SOX5: variants seen among roughly 807,000 people sequenced by gnomAD.
SOX5 encodes the protein transcription factor SOX-5.
A neutral mutation model predicts 92.0 loss-of-function variants in SOX5; 9 were observed. The observed-to-expected ratio is 0.10, with a 90% CI of 0.06 to 0.17. The LOEUF (loss-of-function observed/expected upper bound fraction) is 0.17. Ranked by LOEUF, SOX5 falls within the 10% of genes least tolerant of loss-of-function variation. SOX5 has a pLI of 1.00. For synonymous variants in SOX5, 344 were observed against 336.3 expected (o/e 1.02, Z -0.25); for missense variants, 642 against 944.5 (o/e 0.68, Z 4.20).
intron 4 of SOX5, among the ~76,000 whole-genome samples, chr12:24,145,239 TA>T (rs1258027334): frequency 1.3e-5 from 2 of 152,052 alleles, no homozygotes; most frequent in African/African-American, 4.8e-5. Flanking sequence ...AATGTAATTA[TA>T]AAAAAATTAA....
chr12:23,587,128 A>C (rs1227797212), intron 9 of SOX5, among the ~76,000 whole-genome samples: 1 of 152,006 alleles, frequency 6.6e-6, no homozygotes, highest in African/African-American at 2.4e-5. Flanking sequence ...AGTGGGTTTC[A>C]TAACCTAAAA....
chr12:23,640,779 C>T (rs1012293719), intron 8 of SOX5, 33 bp downstream of exon 8: 1 of 1,508,012 alleles, frequency 6.6e-7, no homozygotes, highest in Admixed American at 1.7e-5. Flanking sequence ...ATTTACTTAA[C>T]CTTTGTCTCC....
chr12:24,506,805 T>TTTTTTTTTTTTTTTTA, intron 1 of SOX5, among the ~76,000 whole-genome samples: 1 of 136,598 alleles, frequency 7.3e-6, no homozygotes, highest in Non-Finnish European at 1.6e-5. Flanking sequence ...TTTTTTTTTT[T>TTTTTTTTTTTTTTTTA]TGGAGACGGG....
At chr12:24,174,154 T>C (rs1414294424) in intron 4 of SOX5, among the ~76,000 whole-genome samples, 1 of 152,024 alleles carries the variant, frequency 6.6e-6, no homozygotes, top group African/African-American at 2.4e-5. Context: ...TGCCCCACCA[T>C]ACCTGGTTAA....
intron 6 of SOX5, among the ~76,000 whole-genome samples, chr12:23,704,017 C>T (rs10842215): frequency 0.24 from 36,448 of 151,732 alleles, 5,282 homozygotes; most frequent in African/African-American, 0.42. Context: ...TAATATAATA[C>T]GATTTCTAAA....
At chr12:23,688,900 C>T (rs2088175890) in intron 6 of SOX5, among the ~76,000 whole-genome samples, 1 of 152,040 alleles carries the variant, frequency 6.6e-6, no homozygotes, top group Non-Finnish European at 1.5e-5. Flanking sequence ...GAATGAACAA[C>T]CAAATAGATG....
chr12:24,037,543 T>C (rs1317297666), intron 4 of SOX5, among the ~76,000 whole-genome samples: 3 of 152,180 alleles, frequency 2.0e-5, no homozygotes, highest in African/African-American at 7.2e-5. Flanking sequence ...ATCATGGTTG[T>C]ACTAGTTGGA....
intron 6 of SOX5, among the ~76,000 whole-genome samples, chr12:23,701,435 C>A (rs979503712): frequency 1.3e-5 from 2 of 151,932 alleles, no homozygotes; most frequent in Non-Finnish European, 2.9e-5. Flanking sequence ...TCCCTCTCTG[C>A]AAAATCCTTT....
At chr12:23,757,809 T>C (rs1004476927) in intron 3 of SOX5, among the ~76,000 whole-genome samples, 6 of 151,850 alleles carry the variant, frequency 4.0e-5, no homozygotes, top group Admixed American at 3.9e-4. Context: ...GCTTTTCCCC[T>C]GCAGCTAGAC....
At chr12:24,025,191 T>C (rs1357692133) in intron 4 of SOX5, among the ~76,000 whole-genome samples, 2 of 151,468 alleles carry the variant, frequency 1.3e-5, no homozygotes, top group Non-Finnish European at 3.0e-5. Context: ...GAGAGCAAAG[T>C]TGAGGAGGAT....
chr12:23,821,628 A>G (rs958254282), intron 3 of SOX5, among the ~76,000 whole-genome samples: 7 of 152,122 alleles, frequency 4.6e-5, no homozygotes, highest in Admixed American at 3.3e-4. Context: ...TGAGATAATC[A>G]TATGGTTTTT....
intron 3 of SOX5, among the ~76,000 whole-genome samples, chr12:23,782,920 T>TCTC (rs1204501054): frequency 6.6e-6 from 1 of 152,072 alleles, no homozygotes; most frequent in Non-Finnish European, 1.5e-5. Context: ...GGTTATAAGC[T>TCTC]CTCTGATCAT....
intron 3 of SOX5, among the ~76,000 whole-genome samples, chr12:23,836,142 A>G (rs911140459): frequency 1.3e-5 from 2 of 151,894 alleles, no homozygotes; most frequent in African/African-American, 4.8e-5. Flanking sequence ...TTGATAGAGG[A>G]ATTATAGAAA....
chr12:24,026,207 G>C (rs899079764), intron 4 of SOX5, among the ~76,000 whole-genome samples: 1 of 152,002 alleles, frequency 6.6e-6, no homozygotes, highest in African/African-American at 2.4e-5. Context: ...GGTAACCACG[G>C]GAGTGAAGGT....
At chr12:24,269,833 C>G (rs916896515) in intron 3 of SOX5, among the ~76,000 whole-genome samples, 1 of 142,422 alleles carries the variant, frequency 7.0e-6, no homozygotes, top group African/African-American at 2.6e-5. Context: ...CATGTTCCAC[C>G]ATGCAATTTT....
At chr12:23,949,019 A>C (rs1945088592) in intron 1 of SOX5, among the ~76,000 whole-genome samples, 1 of 152,114 alleles carries the variant, frequency 6.6e-6, no homozygotes, top group South Asian at 2.1e-4. Context: ...GATGATGTTA[A>C]ATTTTCTTTG....
At chr12:23,653,465 T>TA (rs1478783625) in intron 7 of SOX5, among the ~76,000 whole-genome samples, 2 of 152,102 alleles carry the variant, frequency 1.3e-5, no homozygotes, top group Admixed American at 1.3e-4. Context: ...AGACTTCTCT[T>TA]AAAATATGAT....
chr12:23,872,001 T>G (rs974416788), intron 2 of SOX5, among the ~76,000 whole-genome samples: 1 of 150,258 alleles, frequency 6.7e-6, no homozygotes, highest in Non-Finnish European at 1.5e-5. Context: ...TTCTTTTTTT[T>G]TTTTTCTTTT....
intron 3 of SOX5, among the ~76,000 whole-genome samples, chr12:24,245,235 T>TTGCGTG (rs1302286255): frequency 6.2e-5 from 9 of 144,366 alleles, no homozygotes; most frequent in South Asian, 4.6e-4. Flanking sequence ...TTGGAGAGAT[T>TTGCGTG]TGTGTGTGTG....
Sources: gnomAD v4.1 joint callset for allele counts (sites outside exome capture counted in the v4.1 genomes callset) on GRCh38, gnomAD v4.1.1 for gene constraint, MANE v1.5 for transcripts, NCBI Gene and HGNC (gene_info 2026-07-23, HGNC 2026-07-21) for gene names.